Variants in KLF8 observed in about 807,000 individuals in gnomAD.
KLF8 encodes the protein Krueppel-like factor 8.
A neutral mutation model predicts 18.2 loss-of-function variants in KLF8; 10 were observed. The ratio of observed to expected loss-of-function variants is 0.55; its 90% CI spans 0.34 to 0.93. The LOEUF (loss-of-function observed/expected upper bound fraction) is 0.93. KLF8 is among the 40% of genes least tolerant of loss of function. The pLI is 0.02. For missense variants in KLF8, 264 were observed against 277.9 expected (o/e 0.95, Z 0.36); for synonymous variants, 109 against 97.3 (o/e 1.12, Z -0.71).
At chrX:55,947,854 A>G in the KLF8 span, among the ~76,000 whole-genome samples, 1 of 112,288 alleles carries the variant, frequency 8.9e-6, no homozygotes, top group African/African-American at 3.2e-5. Flanking sequence ...CCTCTTTTAA[A>G]AAAGCATTAA....
the KLF8 span, among the ~76,000 whole-genome samples, chrX:56,214,811 T>TCAG: frequency 5.4e-5 from 6 of 112,020 alleles, no homozygotes. Context: ...AAAAATTTAC[T>TCAG]CAGCATCACA....
chrX:56,011,092 A>C, the KLF8 span, among the ~76,000 whole-genome samples: 1 of 111,926 alleles, frequency 8.9e-6, no homozygotes, highest in Non-Finnish European at 1.9e-5. Context: ...GATATTCAGG[A>C]CTTGAACTTA....
At chrX:56,064,157 G>GTGTA in the KLF8 span, among the ~76,000 whole-genome samples, 2 of 104,065 alleles carry the variant, frequency 1.9e-5, no homozygotes, top group African/African-American at 7.1e-5. Context: ...GTGTGTGTGT[G>GTGTA]TATATATATA....
At chrX:56,160,992 C>G in the KLF8 span, among the ~76,000 whole-genome samples, 2 of 111,475 alleles carry the variant, frequency 1.8e-5, no homozygotes, top group East Asian at 2.8e-4. Context: ...CCTCGATGGT[C>G]TTTACAATTT....
chrX:56,225,501 T>C, the KLF8 span, among the ~76,000 whole-genome samples: 1 of 111,923 alleles, frequency 8.9e-6, no homozygotes, highest in South Asian at 3.8e-4. Flanking sequence ...GTGAGACCTT[T>C]GAGGGATCAT....
At chrX:56,022,727 G>A in the KLF8 span, among the ~76,000 whole-genome samples, 11 of 109,024 alleles carry the variant, frequency 1.0e-4, no homozygotes, top group African/African-American at 3.4e-4. Flanking sequence ...GGTAACCACC[G>A]AAGAGGGTAG....
chrX:56,176,327 G>C, the KLF8 span, among the ~76,000 whole-genome samples: 1 of 111,585 alleles, frequency 9.0e-6, no homozygotes. Context: ...GCATTTGCTT[G>C]TCTGTAAAGC....
chrX:56,075,149 C>T, the KLF8 span, among the ~76,000 whole-genome samples: 1 of 109,738 alleles, frequency 9.1e-6, no homozygotes, highest in Non-Finnish European at 1.9e-5. Flanking sequence ...GAGTGTAAGT[C>T]TTTCATTTCT....
Position 56,276,613 on chromosome X carries a change from G to A in KLF8, c.898+6292G>A, listed in dbSNP as rs565592557. On this transcript the variant is annotated intron_variant, in intron 5 of 5. Transcript: ENST00000468660. ...TTTAAGGTTTCTACTAAAAAGTCTC[G>A]TCAAAGATATTGGAACTCCAGTGTA... Among the ~76,000 whole-genome samples, 152 of 111,630 alleles carry A rather than the reference G, an allele frequency of 1.4e-3. 1 individual carries two copies. Among genetic ancestry groups the A allele is most frequent in the Middle Eastern group, 4.7e-3 (1 of 214 alleles).
the KLF8 span, among the ~76,000 whole-genome samples, chrX:55,945,245 T>G: frequency 1.8e-5 from 2 of 110,893 alleles, no homozygotes; most frequent in South Asian, 7.7e-4. Flanking sequence ...AGAGCTTTAC[T>G]TCCAACTATG....
the KLF8 span, among the ~76,000 whole-genome samples, chrX:55,916,277 A>C: frequency 9.0e-6 from 1 of 111,697 alleles, no homozygotes; most frequent in African/African-American, 3.3e-5. Context: ...GGCCCTACCC[A>C]CTTTGTAGTA....
the KLF8 span, among the ~76,000 whole-genome samples, chrX:56,056,888 C>T: frequency 9.4e-6 from 1 of 106,450 alleles, no homozygotes; most frequent in Admixed American, 9.9e-5. Flanking sequence ...AGGTGCTCTC[C>T]AACAGCTGGT....
the KLF8 span, among the ~76,000 whole-genome samples, chrX:56,014,268 GAAAC>G: frequency 3.6e-5 from 4 of 111,663 alleles, no homozygotes; most frequent in Admixed American, 1.9e-4. Context: ...AAATCTACAA[GAAAC>G]AAACAAATTT....
the KLF8 span, among the ~76,000 whole-genome samples, chrX:56,110,394 G>A: frequency 9.0e-6 from 1 of 111,273 alleles, no homozygotes; most frequent in Non-Finnish European, 1.9e-5. Flanking sequence ...TCATATAGTT[G>A]GGTCGTTCAT....
the KLF8 span, among the ~76,000 whole-genome samples, chrX:56,062,118 T>A: frequency 4.6e-5 from 5 of 108,435 alleles, no homozygotes; most frequent in African/African-American, 6.9e-5. Context: ...CTTTATCCAA[T>A]TTTCCAGTCT....
the KLF8 span, among the ~76,000 whole-genome samples, chrX:55,978,694 T>C: frequency 1.8e-5 from 2 of 111,783 alleles, no homozygotes; most frequent in East Asian, 5.6e-4. Context: ...AGAAACAACC[T>C]GAGTTTTTAT....
the KLF8 span, among the ~76,000 whole-genome samples, chrX:55,960,249 G>T: frequency 8.9e-6 from 1 of 112,436 alleles, no homozygotes; most frequent in South Asian, 3.7e-4. Flanking sequence ...GGGTGCAGTG[G>T]CTCACGCCTG....
chrX:56,013,093 C>G, the KLF8 span, among the ~76,000 whole-genome samples: 2 of 112,488 alleles, frequency 1.8e-5, no homozygotes, highest in African/African-American at 6.5e-5. Flanking sequence ...CTAACAAAAA[C>G]AAGCAATGGG....
chrX:56,094,877 C>G, the KLF8 span, among the ~76,000 whole-genome samples: 6 of 111,362 alleles, frequency 5.4e-5, no homozygotes, highest in African/African-American at 2.0e-4. Flanking sequence ...TATGAAAGAA[C>G]ATACCATGCT....
Sources: allele counts gnomAD v4.1 joint callset (sites outside exome capture counted in the v4.1 genomes callset), GRCh38; gene constraint gnomAD v4.1.1; transcripts MANE v1.5; gene names NCBI Gene and HGNC (gene_info 2026-07-23, HGNC 2026-07-21).